Variants in CEP95 observed in about 807,000 individuals in gnomAD.
CEP95 encodes centrosomal protein 95.
A neutral mutation model predicts 111.2 loss-of-function variants in CEP95; 98 were observed. That is an observed-to-expected ratio of 0.88 (90% CI 0.75 to 1.04). CEP95 has a LOEUF of 1.04. Among genes scored for constraint, CEP95 ranks in the 50% least tolerant of loss-of-function variants. The probability of loss-of-function intolerance (pLI) is 0.00; values close to 1 mark genes in which losing one functional copy is unlikely to be tolerated. For missense variants in CEP95, 1,027 were observed against 977.2 expected, an observed-to-expected ratio of 1.05 and a Z score of -0.68; for synonymous variants, 323 against 327.1, an observed-to-expected ratio of 0.99 and a Z score of 0.14.
Position 64,537,089 on chromosome 17 carries a change from G to A in CEP95, c.2266G>A (p.Ala756Thr), listed in dbSNP as rs1968709716. 1 of 1,613,078 alleles carries A rather than the reference G, an allele frequency of 6.2e-7. No homozygotes were observed. Among genetic ancestry groups the A allele is most frequent in the Non-Finnish European group, 8.5e-7 (1 of 1,179,530 alleles). The change falls in exon 19 of 20, where the codon GCC becomes ACC. Residue 756 changes from alanine to threonine, a missense_variant. By Grantham distance (58) the Ala-to-Thr change is moderately conservative. Coordinates refer to ENST00000556440, the MANE Select transcript of CEP95 (RefSeq NM_138363.3). The stretch of plus-strand genomic sequence containing the variant: ...ATCACAGGAACATCAAGAACTTAAA[G>A]CCAGAGAGAAATCTCAGGCCCAGGT... ...AISQEHQELK[A>T]REKSQAQTLH...
At position 64,508,234 on chromosome 17, in the gene CEP95, GTTGT is replaced by G. The variant is rs147679106; in HGVS notation, c.20-355_20-352del. The G allele has an allele frequency of 2.7e-3, 2,684 of 985,204 alleles. 56 individuals are homozygous for G. The African/African-American group carries it at 0.044, about 16-fold the overall frequency. 61.0% of individuals were successfully genotyped at this position (985,204 alleles called of 1,614,324 possible). A position where few individuals can be genotyped will look rare whatever the true frequency, so the allele number is the denominator to read the frequency against. Reference sequence around the variant, plus strand: ...GGTAACCTCGGATTATCATTAAACTGTTGTTTATGACATAATATTCCTGTTTACT... The same window carrying G: ...GGTAACCTCGGATTATCATTAAACTGTTATGACATAATATTCCTGTTTACT... On this transcript the variant is annotated intron_variant, in intron 1 of 19. Transcript: ENST00000556440.
At chr17:64,522,650 G>A (rs1395253625) in intron 7 of CEP95, 52 bp from the exon 8 acceptor site, 2 of 1,287,628 alleles carry the variant, frequency 1.6e-6, no homozygotes, top group Non-Finnish European at 1.1e-6. Flanking sequence ...TATATAAAAT[G>A]GTTTATTTCT....
intron 3 of CEP95, 148 bp downstream of exon 3, chr17:64,510,428 C>G (rs538611442): frequency 1.7e-6 from 1 of 579,496 alleles, no homozygotes; most frequent in South Asian, 2.3e-5. Flanking sequence ...TGATAGAGGT[C>G]AGGTCCATAC....
intron 2 of CEP95, 113 bp downstream of exon 2, chr17:64,508,833 CT>C (rs1193014882): frequency 4.7e-5 from 16 of 337,242 alleles, no homozygotes; most frequent in East Asian, 2.9e-4. Flanking sequence ...TTGCTTGTTT[CT>C]TTTTTTAATA....
At chr17:64,536,543 C>T (rs1968669389) in intron 17 of CEP95, 59 bp from the exon 18 acceptor site, 2 of 1,342,632 alleles carry the variant, frequency 1.5e-6, no homozygotes, top group East Asian at 2.3e-5. Flanking sequence ...CAGTATATAC[C>T]TCTAGTTGGC....
chr17:64,517,511 T>C (rs1378640852), intron 5 of CEP95, among the ~76,000 whole-genome samples: 2 of 152,076 alleles, frequency 1.3e-5, no homozygotes, highest in Non-Finnish European at 2.9e-5. Context: ...GATTTAGTCA[T>C]ATGTCTATAT....
chr17:64,509,881 G>A (rs929711457), intron 2 of CEP95, among the ~76,000 whole-genome samples: 4 of 151,550 alleles, frequency 2.6e-5, no homozygotes, highest in Admixed American at 2.6e-4. Flanking sequence ...TTCTTGTAAA[G>A]CATATTCATG....
rs782713538 is a variant in CEP95 at position 64,508,574 on chromosome 17, C to T, written c.20-18C>T. On this transcript the variant is annotated intron_variant, in intron 1 of 19. Transcript: ENST00000556440. The stretch of plus-strand genomic sequence containing the variant: ...CTGGTGGTTTTTAAGACTGATCTTT[C>T]CCCCTTTTTCCCAACAGAGTGGGTA... 12 of 1,360,742 alleles carry T rather than the reference C, an allele frequency of 8.8e-6. No homozygotes were observed. Among genetic ancestry groups the T allele is most frequent in the Admixed American group, 2.9e-5 (1 of 34,794 alleles). The allele number at this position is 1,360,742 out of a possible 1,614,324, so 84.3% of individuals were successfully genotyped here.
chr17:64,508,028 TAAAA>T (rs2038665470), intron 1 of CEP95: 1 of 985,184 alleles, frequency 1.0e-6, no homozygotes, highest in Non-Finnish European at 1.2e-6. Context: ...ATCGATATAA[TAAAA>T]AAGAAAAACT....
At chr17:64,518,330 A>G (rs1555676890) in intron 5 of CEP95, among the ~76,000 whole-genome samples, 3 of 151,984 alleles carry the variant, frequency 2.0e-5, no homozygotes, top group African/African-American at 7.3e-5. Context: ...TTTTTTCCTC[A>G]TATCTTGAGG....
chr17:64,532,170 T>C, intron 14 of CEP95, 148 bp downstream of exon 14: 1 of 1,356,646 alleles, frequency 7.4e-7, no homozygotes, highest in Non-Finnish European at 9.5e-7. Context: ...TGTGGCTGGT[T>C]TTCCGTAGAG....
chr17:64,519,242 AC>A (rs1967122032), intron 5 of CEP95, 78 bp from the exon 6 acceptor site: 1 of 846,712 alleles, frequency 1.2e-6, no homozygotes, highest in Non-Finnish European at 2.0e-6. Flanking sequence ...CTTTTTCTGC[AC>A]CCAGCAGCTC....
At chr17:64,512,877 A>G (rs1362242434) in intron 3 of CEP95, among the ~76,000 whole-genome samples, 1 of 152,168 alleles carries the variant, frequency 6.6e-6, no homozygotes, top group African/African-American at 2.4e-5. Flanking sequence ...TGCTTGTTAA[A>G]CATACTATAG....
At position 64,508,578 on chromosome 17, in the gene CEP95, C is replaced by G. The variant is rs782466820; in HGVS notation, c.20-14C>G. On this transcript the variant is annotated splice_polypyrimidine_tract_variant and intron_variant, in intron 1 of 19. Transcript: ENST00000556440. ...TGGTTTTTAAGACTGATCTTTCCCC[C>G]TTTTTCCCAACAGAGTGGGTAACCA... is the stretch of plus-strand genomic sequence containing the variant. 8 of 1,370,634 alleles carry G rather than the reference C, an allele frequency of 5.8e-6. No homozygotes were observed. The East Asian group carries it at 2.3e-4, about 39-fold the overall frequency. The allele number at this position is 1,370,634 out of a possible 1,614,324, so 84.9% of individuals were successfully genotyped here.
At chr17:64,510,707 G>A (rs1042501293) in intron 3 of CEP95, among the ~76,000 whole-genome samples, 2 of 152,242 alleles carry the variant, frequency 1.3e-5, no homozygotes, top group African/African-American at 4.8e-5. Flanking sequence ...GCACCACCAT[G>A]CCTGGCTAAT....
At chr17:64,527,893 CACACA>C (rs1568147579) in intron 11 of CEP95, among the ~76,000 whole-genome samples, 1 of 118,134 alleles carries the variant, frequency 8.5e-6, no homozygotes, top group Non-Finnish European at 1.7e-5. Flanking sequence ...TATATATATA[CACACA>C]CACACACACG....
In CEP95 at chr17:64,530,672, C is replaced by G. The variant is rs1243717245; in HGVS notation, c.1447-254C>G. Among the ~76,000 whole-genome samples, 4 of 152,230 alleles carry G rather than the reference C, an allele frequency of 2.6e-5. No individual in the cohort carries two copies. The East Asian group carries it at 5.8e-4, about 22-fold the overall frequency. On this transcript the variant is annotated intron_variant, in intron 12 of 19. Transcript: ENST00000556440. ...TACAGGCATGTGCCACCACGCCCAG[C>G]TAATTTTGTATTTTTAGTAGAGATG...
Position 64,526,135 on chromosome 17 carries a change from T to A in CEP95, c.1087T>A (p.Leu363Ile). 6.2e-7 allele frequency: 1 copy of A among 1,613,750 alleles called. No homozygotes were observed. The highest frequency in any genetic ancestry group is 1.1e-5 in the South Asian group (1 of 91,066). The change falls in exon 10 of 20, where the codon TTA (leucine) becomes ATA (isoleucine). Residue 363 changes from leucine (L) to isoleucine (I), a missense_variant. Coordinates refer to ENST00000556440, the MANE Select transcript of CEP95 (RefSeq NM_138363.3). ...TTTCCCCCAGAGGCCAAGAAAGAGA[T>A]TAACAGAACAAGAATTACATGATGT... ...SPFPQRPRKRLTEQELHDVSE... is the reference protein window; with the variant it reads ...SPFPQRPRKRITEQELHDVSE...
At chr17:64,536,812 ACTTG>A (rs1160661970) in intron 18 of CEP95, 64 bp downstream of exon 18, 2 of 1,524,756 alleles carry the variant, frequency 1.3e-6, no homozygotes, top group Non-Finnish European at 1.8e-6. Flanking sequence ...TTGTGGCAAA[ACTTG>A]CTTAGTCTGT....
Sources: allele counts gnomAD v4.1 joint callset (sites outside exome capture counted in the v4.1 genomes callset), GRCh38; gene constraint gnomAD v4.1.1; transcripts MANE v1.5; gene names NCBI Gene and HGNC (gene_info 2026-07-23, HGNC 2026-07-21).